USP10: variants seen among roughly 807,000 people sequenced by gnomAD.
USP10 encodes ubiquitin carboxyl-terminal hydrolase 10.
A neutral mutation model predicts 84.5 loss-of-function variants in USP10; 22 were observed. The ratio of observed to expected loss-of-function variants is 0.26; its 90% CI spans 0.19 to 0.37. USP10 has a LOEUF of 0.37. Ranked by LOEUF, USP10 falls within the 10% of genes least tolerant of loss-of-function variation. The pLI, the probability that USP10 is intolerant of heterozygous loss-of-function variation, is 1.00. For synonymous variants in USP10, 454 were observed against 387.6 expected, an observed-to-expected ratio of 1.17 and a Z score of -2.01; for missense variants, 1,019 against 998.9, an observed-to-expected ratio of 1.02 and a Z score of -0.27.
chr16:84,712,810 T>C (rs181442251), intron 1 of USP10, among the ~76,000 whole-genome samples: 1 of 152,322 alleles, frequency 6.6e-6, no homozygotes, highest in East Asian at 1.9e-4. Flanking sequence ...GACCCGCACG[T>C]CACATATAAG....
intron 1 of USP10, among the ~76,000 whole-genome samples, chr16:84,704,158 GT>G (rs948472873): frequency 5.3e-5 from 8 of 152,126 alleles, no homozygotes; most frequent in Non-Finnish European, 1.2e-4. Flanking sequence ...TTTTGTTTCG[GT>G]TTTTTGTTTG....
intron 1 of USP10, chr16:84,732,439 T>C: frequency 2.5e-6 from 1 of 407,658 alleles, no homozygotes; most frequent in Admixed American, 3.2e-5. Context: ...TGACTTCTTC[T>C]TCTTCTTTTT....
intron 1 of USP10, among the ~76,000 whole-genome samples, chr16:84,728,209 T>C (rs895954451): frequency 2.6e-5 from 4 of 152,232 alleles, no homozygotes; most frequent in African/African-American, 9.6e-5. Context: ...TGTGATAAAC[T>C]TTTTGGTGTC....
At chr16:84,732,966 A>G (rs1909435250) in intron 1 of USP10, 1 of 408,236 alleles carries the variant, frequency 2.4e-6, no homozygotes, top group African/African-American at 2.1e-5. Context: ...AGATATTTTT[A>G]AAGATCATTA....
At chr16:84,766,950 T>C (rs1387412096) in intron 10 of USP10, among the ~76,000 whole-genome samples, 2 of 152,126 alleles carry the variant, frequency 1.3e-5, no homozygotes, top group Admixed American at 1.3e-4. Flanking sequence ...TTCCCCGCCT[T>C]TCTTCCCCGG....
At chr16:84,758,854 C>T (rs1214472583) in intron 5 of USP10, 47 bp downstream of exon 5, 2 of 1,408,382 alleles carry the variant, frequency 1.4e-6, no homozygotes, top group Admixed American at 1.7e-5. Context: ...TTGCAGCTGT[C>T]CCTCCTTTGG....
chr16:84,732,341 T>C (rs1450974135), intron 1 of USP10: 1 of 357,292 alleles, frequency 2.8e-6, no homozygotes, highest in Non-Finnish European at 5.4e-6. Flanking sequence ...GTACTGATCA[T>C]ACGTGGGCAT....
intron 13 of USP10, 114 bp downstream of exon 13, chr16:84,775,339 C>A (rs1295451302): frequency 3.9e-6 from 4 of 1,038,606 alleles, no homozygotes; most frequent in East Asian, 2.5e-5. Flanking sequence ...ACTCAGGTAT[C>A]CCTGTGGCCT....
chr16:84,760,415 G>A lies in USP10; in HGVS notation c.1554+140G>A, dbSNP rs544744619. 1.0e-4 allele frequency: 73 copies of A among 701,052 alleles called. No homozygotes were observed. In the African/African-American group the frequency reaches 1.2e-3, roughly 12 times the overall value. 43.4% of individuals were successfully genotyped at this position (701,052 alleles called of 1,614,324 possible). On this transcript the variant is annotated intron_variant, in intron 8 of 13. Coordinates refer to ENST00000219473, the MANE Select transcript of USP10 (RefSeq NM_005153.3). ...TAGGTTTATAAGAGTCCATTGCTTG[G>A]ATGATATGGTGCACCAAGCACTGCT...
At chr16:84,752,228 G>A (rs1223039887) in intron 4 of USP10, among the ~76,000 whole-genome samples, 1 of 152,134 alleles carries the variant, frequency 6.6e-6, no homozygotes, top group Non-Finnish European at 1.5e-5. Context: ...CAACTCCTGT[G>A]ACAAAGATGG....
At chr16:84,729,038 T>C (rs530798398) in intron 1 of USP10, among the ~76,000 whole-genome samples, 267 of 152,270 alleles carry the variant, frequency 1.8e-3, no homozygotes, top group African/African-American at 6.1e-3. Context: ...AGTCAAGTGA[T>C]CTGCTCGCCT....
chr16:84,778,766 C>G, intron 13 of USP10, 129 bp from the exon 14 acceptor site: 1 of 880,690 alleles, frequency 1.1e-6, no homozygotes, highest in Non-Finnish European at 1.7e-6. Context: ...GATGACATCT[C>G]TCTGTCCCAC....
intron 1 of USP10, among the ~76,000 whole-genome samples, chr16:84,722,507 C>G (rs1356955323): frequency 1.3e-5 from 2 of 152,206 alleles, no homozygotes; most frequent in African/African-American, 4.8e-5. Flanking sequence ...CGTTTTCTAT[C>G]TGCACCAGCA....
At chr16:84,758,369 T>A (rs1433063647) in intron 4 of USP10, among the ~76,000 whole-genome samples, 1 of 152,166 alleles carries the variant, frequency 6.6e-6, no homozygotes, top group Non-Finnish European at 1.5e-5. Flanking sequence ...CTAATGGTGT[T>A]TAAGGAAGAA....
chr16:84,735,568 G>A (rs1482856133), intron 2 of USP10, among the ~76,000 whole-genome samples: 2 of 151,938 alleles, frequency 1.3e-5, no homozygotes, highest in South Asian at 2.1e-4. Flanking sequence ...GCTTATTCAC[G>A]TCACAGAAAT....
In USP10 at chr16:84,700,108, G is replaced by A; in HGVS notation, c.18G>A (p.Pro6=). The A allele has an allele frequency of 1.5e-6, 2 of 1,352,110 alleles. No individual in the cohort carries two copies. Among genetic ancestry groups the A allele is most frequent in the Non-Finnish European group, 1.9e-6 (2 of 1,030,942 alleles). The allele number at this position is 1,352,110 out of a possible 1,614,324, so 83.8% of individuals were successfully genotyped here. A position where few individuals can be genotyped will look rare whatever the true frequency, so the allele number is the denominator to read the frequency against. Residue 6 remains proline (P), a synonymous_variant, in exon 1 of 14, where the codon CCG becomes CCA. Coordinates refer to ENST00000219473, the MANE Select transcript of USP10 (RefSeq NM_005153.3). MALHS[P]QYIFGDFSPD... Reference sequence around the variant, plus strand: ...GGGCAGCCATGGCCCTCCACAGCCCGCAGGTAGCCGCCGGTCTGCGCCTTC... The same window carrying A: ...GGGCAGCCATGGCCCTCCACAGCCCACAGGTAGCCGCCGGTCTGCGCCTTC...
intron 9 of USP10, among the ~76,000 whole-genome samples, chr16:84,763,441 A>G (rs1567642791): frequency 6.6e-6 from 1 of 152,230 alleles, no homozygotes; most frequent in African/African-American, 2.4e-5. Flanking sequence ...CTGTCCATCC[A>G]TATATACATA....
At position 84,745,531 on chromosome 16, in the gene USP10, G is replaced by C. The variant is rs1365132984; in HGVS notation, c.1050G>C (p.Lys350Asn). 5 of 1,613,110 alleles carry C rather than the reference G, an allele frequency of 3.1e-6. No homozygotes were observed. Among genetic ancestry groups the C allele is most frequent in the Admixed American group, 1.7e-5 (1 of 59,894 alleles). Reference protein sequence around the residue: ...KSWASLFHDSKPSSSSPVAYV... With the variant: ...KSWASLFHDSNPSSSSPVAYV... Reference sequence around the variant, plus strand: ...GGGCCAGCCTCTTTCATGATTCTAAGCCCTCTTCCTCCTCGCCGGTGGCCT... The same window carrying C: ...GGGCCAGCCTCTTTCATGATTCTAACCCCTCTTCCTCCTCGCCGGTGGCCT... Residue 350 changes from lysine to asparagine, a missense_variant, in exon 4 of 14, where the codon AAG (lysine) becomes AAC (asparagine). Physicochemically the swap from Lys to Asn is moderately conservative, Grantham distance 94. Coordinates refer to ENST00000219473, the MANE Select transcript of USP10 (RefSeq NM_005153.3).
chr16:84,712,015 C>T (rs543364202), intron 1 of USP10, among the ~76,000 whole-genome samples: 7 of 152,232 alleles, frequency 4.6e-5, no homozygotes, highest in East Asian at 1.9e-4. Context: ...CCACCGCGCC[C>T]GGTGGCTTTT....
Sources: gnomAD v4.1 joint callset for allele counts (sites outside exome capture counted in the v4.1 genomes callset) on GRCh38, gnomAD v4.1.1 for gene constraint, MANE v1.5 for transcripts, NCBI Gene and HGNC (gene_info 2026-07-23, HGNC 2026-07-21) for gene names.